Variants in NEB observed in about 807,000 individuals in gnomAD.
The protein encoded by NEB is nemaline myopathy type 2.
Under a neutral mutation model 952.2 loss-of-function variants are expected in NEB, and 512 were observed. The ratio of observed to expected loss-of-function variants is 0.54; its 90% CI spans 0.50 to 0.58. The LOEUF (loss-of-function observed/expected upper bound fraction) is 0.58, where lower values mean the gene tolerates loss of function less well. Among genes scored for constraint, NEB ranks in the 20% least tolerant of loss-of-function variants. NEB has a pLI of 0.00. For missense variants in NEB, 8,428 were observed against 9,231.1 expected (o/e 0.91, Z 3.56); for synonymous variants, 2,900 against 3,149.8 (o/e 0.92, Z 2.66).
At chr2:151,500,806 CT>C (rs935801593) in intron 168 of NEB, among the ~76,000 whole-genome samples, 1 of 152,006 alleles carries the variant, frequency 6.6e-6, no homozygotes, top group African/African-American at 2.4e-5. Flanking sequence ...ACCATGTTGG[CT>C]AGGCTGGTCT....
Position 151,643,303 on chromosome 2 carries a change from AG to A in NEB, c.8006del (p.Thr2669IlefsTer17), listed in dbSNP as rs2098909823. 6.2e-7 allele frequency: 1 copy of A among 1,613,828 alleles called. No homozygotes were observed. The highest frequency in any genetic ancestry group is 2.2e-5 in the East Asian group (1 of 44,880). On this transcript the variant is annotated frameshift_variant, in exon 58 of 182. Transcript: ENST00000397345. LOFTEE classifies it high-confidence loss of function. Reference protein sequence around the residue: ...LQWLKGIGWMTSGSLEDEKNK... With the variant: ...LQWLKGIGWMXSGSLEDEKNK... ...TTTTCTCATCCTCGAGAGAACCACT[AG>A]TCATCCAGCCAATGCCTTTTAGCCA...
chr2:151,655,174 T>C, intron 51 of NEB, 96 bp downstream of exon 51: 1 of 737,216 alleles, frequency 1.4e-6, no homozygotes, highest in Non-Finnish European at 2.1e-6. Flanking sequence ...CAAACTTCCA[T>C]TGCTTCAACA....
chr2:151,639,875 A>G lies in NEB; in HGVS notation c.8871T>C (p.Asn2957=). Residue 2957 remains asparagine, a synonymous_variant, in exon 62 of 182, where the codon AAT becomes AAC. Coordinates refer to ENST00000397345, the MANE Select transcript of NEB (RefSeq NM_001164508.2). ...DSLEQVLAKN[N]AITMNKRLYT... is the part of the protein sequence containing the mutation. Reference sequence around the variant, plus strand: ...GTCTCACCTTGTTCATAGTGATGGCATTATTTTTGGCCAACACTTGTTCCA... The same window carrying G: ...GTCTCACCTTGTTCATAGTGATGGCGTTATTTTTGGCCAACACTTGTTCCA... 1 of 1,613,558 alleles carries G rather than the reference A, an allele frequency of 6.2e-7. No individual in the cohort carries two copies. The highest frequency in any genetic ancestry group is 1.1e-5 in the South Asian group (1 of 91,064).
intron 18 of NEB, 134 bp from the exon 19 acceptor site, chr2:151,694,763 C>T: frequency 2.8e-6 from 2 of 704,492 alleles, no homozygotes; most frequent in Non-Finnish European, 4.7e-6. Context: ...GGAAATCATG[C>T]ATATTTTAAA....
chr2:151,489,560 C>A (rs1198586268), intron 181 of NEB, among the ~76,000 whole-genome samples: 4 of 152,088 alleles, frequency 2.6e-5, no homozygotes, highest in Non-Finnish European at 5.9e-5. Flanking sequence ...CCACACCTGG[C>A]TAATTTTTTG....
rs1313663706 is a variant in NEB, at chr2:151,650,790, T to C, written c.7011A>G (p.Val2337=). The part of the protein sequence containing the change: ...DDPKLVLSMN[V]AKMQSEREYK... ...ATTCTCTTTCACTCTGCATTTTGGC[T>C]ACATTCATGGACAACACAAGTTTTG... is the stretch of plus-strand genomic sequence containing the variant. Residue 2337 remains valine (V), a synonymous_variant, in exon 53 of 182, where the codon GTA becomes GTG. Coordinates refer to ENST00000397345, the MANE Select transcript of NEB (RefSeq NM_001164508.2). 6.2e-7 allele frequency: 1 copy of C among 1,613,978 alleles called. No individual in the cohort carries two copies. Among genetic ancestry groups the C allele is most frequent in the East Asian group, 2.2e-5 (1 of 44,878 alleles).
rs762612722 is a variant in NEB, at chr2:151,570,381, C to T, written c.17130G>A (p.Lys5710=). 2 of 1,577,488 alleles carry T rather than the reference C, an allele frequency of 1.3e-6. No homozygotes were observed. Among genetic ancestry groups the T allele is most frequent in the African/African-American group, 1.4e-5 (1 of 73,308 alleles). ...SREIASDYKY[K]LDHEKQKGHY... ...GTCCCTTCTGCTTCTCATGGTCAAG[C>T]TTATATTTATACTGGAGATGCAAAA... Residue 5710 remains lysine, a synonymous_variant, in exon 109 of 182, where the codon AAG becomes AAA. Coordinates refer to ENST00000397345, the MANE Select transcript of NEB (RefSeq NM_001164508.2).
chr2:151,550,266 C>CAAAAAAA (rs57057802), intron 129 of NEB, among the ~76,000 whole-genome samples: 2 of 73,366 alleles, frequency 2.7e-5, no homozygotes, highest in Non-Finnish European at 5.0e-5. Flanking sequence ...ACCCTGTCTC[C>CAAAAAAA]AAAAAAAAAA....
At chr2:151,660,063 A>G (rs1377822658) in intron 46 of NEB, among the ~76,000 whole-genome samples, 1 of 152,146 alleles carries the variant, frequency 6.6e-6, no homozygotes, top group African/African-American at 2.4e-5. Flanking sequence ...GTCTCCAGTC[A>G]CCAGCTGTCT....
chr2:151,663,978 G>T, intron 44 of NEB, 119 bp from the exon 45 acceptor site: 1 of 1,029,416 alleles, frequency 9.7e-7, no homozygotes, highest in Non-Finnish European at 1.4e-6. Context: ...AAAATTGGAA[G>T]GGAGGCACTC....
At chr2:151,577,549 C>T (rs1467422635) in intron 105 of NEB, among the ~76,000 whole-genome samples, 1 of 152,168 alleles carries the variant, frequency 6.6e-6, no homozygotes, top group African/African-American at 2.4e-5. Context: ...TCTCGGTTAT[C>T]AATGTGAACT....
Position 151,562,150 on chromosome 2 carries a change from T to G in NEB, c.18956A>C (p.Gln6319Pro). ...GTATGATTTCTTGGCATGGAGGATT[T>G]GGGGTGTATCCCAAACGTAGCAACC... ...GIGCYVWDTPQILHAKKSYDL... is the reference protein window; with the variant it reads ...GIGCYVWDTPPILHAKKSYDL... Residue 6319 changes from glutamine (Q) to proline (P), a missense_variant, in exon 121 of 182, where the codon CAA (glutamine) becomes CCA (proline). Around this residue, in one of 11 missense-constraint regions of NEB, gnomAD observed 3,374 missense variants for 3,651.5 expected, o/e 0.92. Coordinates refer to ENST00000397345, the MANE Select transcript of NEB (RefSeq NM_001164508.2). 2 of 1,613,632 alleles carry G rather than the reference T, an allele frequency of 1.2e-6. No individual in the cohort carries two copies. The highest frequency in any genetic ancestry group is 1.7e-6 in the Non-Finnish European group (2 of 1,179,616).
At chr2:151,506,859 G>T in intron 163 of NEB, 50 bp downstream of exon 163, 1 of 1,171,636 alleles carries the variant, frequency 8.5e-7, no homozygotes. Flanking sequence ...TTAAAGAGGA[G>T]AGTGAAATGA....
intron 121 of NEB, 89 bp from the exon 122 acceptor site, chr2:151,561,401 A>G: frequency 1.2e-6 from 1 of 833,016 alleles, no homozygotes; most frequent in South Asian, 1.5e-5. Context: ...ATGTGCCTTT[A>G]TTTCTGGATT....
intron 155 of NEB, 139 bp from the exon 156 acceptor site, chr2:151,518,561 GAA>G: frequency 1.5e-6 from 1 of 658,038 alleles, no homozygotes. Flanking sequence ...AGGAGGTTAA[GAA>G]AAAGTTTTAA....
chr2:151,619,833 T>C, intron 72 of NEB, 71 bp from the exon 73 acceptor site: 3 of 1,467,366 alleles, frequency 2.0e-6, no homozygotes, highest in South Asian at 1.4e-5. Context: ...TCTGTGGTGG[T>C]GCTTTCTATG....
chr2:151,720,502 G>C (rs990122592), intron 9 of NEB, among the ~76,000 whole-genome samples: 1 of 152,188 alleles, frequency 6.6e-6, no homozygotes, highest in Non-Finnish European at 1.5e-5. Flanking sequence ...AGGAATAGCA[G>C]GGAAGACTTT....
chr2:151,620,753 C>T (rs1249355490), intron 72 of NEB, among the ~76,000 whole-genome samples, 166 bp downstream of exon 72: 1 of 152,150 alleles, frequency 6.6e-6, no homozygotes, highest in Non-Finnish European at 1.5e-5. Flanking sequence ...TAGGCTATGC[C>T]TCTGTGATGC....
intron 173 of NEB, chr2:151,495,202 A>C (rs764352450): frequency 9.9e-5 from 15 of 152,228 alleles, no homozygotes; most frequent in Non-Finnish European, 2.1e-4. Flanking sequence ...ATCATGATAA[A>C]TCCTCAACCT....
Sources: gnomAD v4.1 joint callset for allele counts (sites outside exome capture counted in the v4.1 genomes callset) on GRCh38, gnomAD v4.1.1 for gene constraint, gnomAD v4.1.1 regional missense constraint, MANE v1.5 for transcripts, NCBI Gene and HGNC (gene_info 2026-07-23, HGNC 2026-07-21) for gene names.